Variants in STON2 observed in about 807,000 individuals in gnomAD.
The protein encoded by STON2 is stonin-2.
In STON2, 29 loss-of-function variants were observed where a neutral mutation model predicts 65.7. The observed-to-expected ratio is 0.44, with a 90% CI of 0.33 to 0.60. STON2 has a LOEUF of 0.60. STON2 is among the 20% of genes least tolerant of loss of function. The pLI is 0.03. For synonymous variants in STON2, 404 were observed against 414.2 expected, an observed-to-expected ratio of 0.98 and a Z score of 0.30; for missense variants, 1,054 against 1,118.1, an observed-to-expected ratio of 0.94 and a Z score of 0.82.
intron 1 of STON2, among the ~76,000 whole-genome samples, chr14:81,430,039 T>C (rs1902163501): frequency 6.6e-6 from 1 of 152,220 alleles, no homozygotes; most frequent in African/African-American, 2.4e-5. Context: ...CTGAAAAGAC[T>C]TGTGGACCAG....
At chr14:81,311,425 A>G (rs540452585) in intron 5 of STON2, among the ~76,000 whole-genome samples, 2 of 152,316 alleles carry the variant, frequency 1.3e-5, no homozygotes, top group South Asian at 2.1e-4. Flanking sequence ...AAAGGAGAAA[A>G]GAAAAGGCTG....
At chr14:81,326,039 C>T (rs921630439) in intron 4 of STON2, among the ~76,000 whole-genome samples, 4 of 152,212 alleles carry the variant, frequency 2.6e-5, no homozygotes, top group African/African-American at 7.2e-5. Flanking sequence ...CCCCAGCAAT[C>T]AGTTGCTATT....
intron 4 of STON2, among the ~76,000 whole-genome samples, chr14:81,333,918 C>T (rs1302544467): frequency 1.3e-5 from 2 of 152,176 alleles, no homozygotes; most frequent in South Asian, 2.1e-4. Context: ...TACATTTGTA[C>T]ACCTGTTCTG....
At chr14:81,401,878 G>A (rs1468162443), upstream of STON2, among the ~76,000 whole-genome samples, 1 of 152,184 alleles carries the variant, frequency 6.6e-6, no homozygotes, top group Non-Finnish European at 1.5e-5. Flanking sequence ...AGATCTCTGA[G>A]AGTTGGAACC....
In STON2 at chr14:81,266,375, A is replaced by AC. The variant is rs1894359273; in HGVS notation, c.*2038dup. Among the ~76,000 whole-genome samples the AC allele has an allele frequency of 6.6e-6, 1 of 152,236 alleles. No homozygotes were observed. The highest frequency in any genetic ancestry group is 2.1e-4 in the South Asian group (1 of 4,824). ...TCTTATTTTTGCCCTTTGAAGCTACACAGAATAAATCTAATTCCTCTTCCT... is the reference window on the plus strand; with the variant it reads ...TCTTATTTTTGCCCTTTGAAGCTACACCAGAATAAATCTAATTCCTCTTCCT... On this transcript the variant is annotated 3_prime_UTR_variant, in exon 8 of 8. Transcript: ENST00000614646.
intron 5 of STON2, among the ~76,000 whole-genome samples, chr14:81,295,337 A>G (rs1366598425): frequency 2.0e-5 from 3 of 152,208 alleles, no homozygotes; most frequent in Non-Finnish European, 4.4e-5. Context: ...AAAAGAAAAG[A>G]AAAGAAAAGA....
intron 4 of STON2, among the ~76,000 whole-genome samples, chr14:81,340,016 T>C (rs574009418): frequency 3.3e-5 from 5 of 152,064 alleles, no homozygotes; most frequent in Admixed American, 6.5e-5. Context: ...TAGCCGGGCG[T>C]GGTGGCGGGC....
chr14:81,319,369 C>T (rs922351988), intron 5 of STON2, among the ~76,000 whole-genome samples: 1 of 151,970 alleles, frequency 6.6e-6, no homozygotes, highest in African/African-American at 2.4e-5. Context: ...TATTACATTC[C>T]CAGTGTCCAG....
In STON2 at chr14:81,261,657, AAT is replaced by A; in HGVS notation, c.*6755_*6756del. 9 of 858,608 alleles carry A rather than the reference AAT, an allele frequency of 1.0e-5. No homozygotes were observed. Among genetic ancestry groups the A allele is most frequent in the Non-Finnish European group, 1.1e-5 (7 of 637,406 alleles). 53.2% of individuals were successfully genotyped at this position (858,608 alleles called of 1,614,324 possible). Reference sequence around the variant, plus strand: ...TCACAATATTTTATACAAAATGACAAATATATATATACCTCATTGATTATCCT... The same window carrying A: ...TCACAATATTTTATACAAAATGACAAATATATATACCTCATTGATTATCCT... On this transcript the variant is annotated 3_prime_UTR_variant, in exon 8 of 8. Coordinates refer to ENST00000614646, the MANE Select transcript of STON2 (RefSeq NM_001394390.1).
In STON2 at chr14:81,277,279, T is replaced by C. The variant is rs1357652128; in HGVS notation, c.2203A>G (p.Arg735Gly). The C allele has an allele frequency of 6.2e-7, 1 of 1,614,082 alleles. No individual in the cohort carries two copies. The highest frequency in any genetic ancestry group is 1.3e-5 in the African/African-American group (1 of 74,928). ...DACRFELMRF[R>G]TVFAEKTLPF... ...AAGGTCTTCTCAGCAAACACTGTCC[T>C]GAACCGCATTAGCTCAAACCGGCAC... is the stretch of plus-strand genomic sequence containing the variant. The change falls in exon 6 of 8, where the codon AGG (arginine) becomes GGG (glycine). Residue 735 changes from arginine to glycine, a missense_variant. Transcript: ENST00000614646.
At chr14:81,404,804 G>T (rs535563599), upstream of STON2, among the ~76,000 whole-genome samples, 18 of 152,296 alleles carry the variant, frequency 1.2e-4, no homozygotes, top group Non-Finnish European at 2.1e-4. Flanking sequence ...ACTGCACCTG[G>T]CCTCATGGTA....
intron 1 of STON2, among the ~76,000 whole-genome samples, chr14:81,429,115 C>T (rs76895526): frequency 0.027 from 4,070 of 152,316 alleles, 186 homozygotes; most frequent in African/African-American, 0.092. Flanking sequence ...AACAAGGACC[C>T]TTTGGGGTCA....
chr14:81,270,321 G>C, intron 7 of STON2: 2 of 1,128,530 alleles, frequency 1.8e-6, no homozygotes, highest in Non-Finnish European at 2.2e-6. Context: ...CTGAACTCAA[G>C]TAATCAGCCC....
chr14:81,423,136 G>T (rs1901794960), intron 2 of STON2, among the ~76,000 whole-genome samples: 1 of 152,076 alleles, frequency 6.6e-6, no homozygotes, highest in African/African-American at 2.4e-5. Flanking sequence ...TATACCTAAG[G>T]TGCGCTGCAC....
chr14:81,279,657 C>T (rs1476561972), intron 5 of STON2, among the ~76,000 whole-genome samples: 1 of 151,784 alleles, frequency 6.6e-6, no homozygotes, highest in African/African-American at 2.4e-5. Flanking sequence ...TGCCACTGCA[C>T]TCCAGCCTGG....
chr14:81,416,860 T>TG lies in STON2; in HGVS notation c.-199+10241_-199+10242insC, dbSNP rs548988548. 9.8e-4 allele frequency among the ~76,000 whole-genome samples: 149 copies of TG among 152,248 alleles called. 1 individual carries two copies. Among genetic ancestry groups the TG allele is most frequent in the African/African-American group, 3.5e-3 (146 of 41,550 alleles). On this transcript the variant is annotated intron_variant, in intron 2 of 8. Transcript: ENST00000553821. ...CTGCAGGCACACAAAACCTTTATGT[T>TG]TAAAGCTCCTGCCAACACTCTCTAT...
chr14:81,434,450 T>C (rs1459017401), intron 1 of STON2, among the ~76,000 whole-genome samples: 2 of 152,158 alleles, frequency 1.3e-5, no homozygotes, highest in African/African-American at 2.4e-5. Context: ...ACTTGAAAGA[T>C]TGCATCTGGA....
Position 81,311,221 on chromosome 14 carries a change from G to C in STON2, c.742+12796C>G, listed in dbSNP as rs2719819. Among the ~76,000 whole-genome samples the C allele has an allele frequency of 2.0e-5, 3 of 152,150 alleles. No individual in the cohort carries two copies. The East Asian group carries it at 5.8e-4, about 29-fold the overall frequency. The stretch of plus-strand genomic sequence containing the variant: ...GAAGCAGTATAATATACCAGAAAGA[G>C]CAATGGAATAGGAGGCAGGAGAAGA... On this transcript the variant is annotated intron_variant, in intron 5 of 7. Transcript: ENST00000614646.
At chr14:81,411,332 T>C (rs1023626255) in intron 2 of STON2, among the ~76,000 whole-genome samples, 5 of 151,370 alleles carry the variant, frequency 3.3e-5, no homozygotes, top group African/African-American at 1.2e-4. Flanking sequence ...GTATCTTCTC[T>C]CACACTCTTT....
Sources: gnomAD v4.1 joint callset for allele counts (sites outside exome capture counted in the v4.1 genomes callset) on GRCh38, gnomAD v4.1.1 for gene constraint, MANE v1.5 for transcripts, NCBI Gene and HGNC (gene_info 2026-07-23, HGNC 2026-07-21) for gene names.